SPMIP2: variants seen among roughly 807,000 people sequenced by gnomAD.
SPMIP2 encodes the protein protein SPMIP2.
the SPMIP2 span, among the ~76,000 whole-genome samples, chr4:158,914,690 A>G: frequency 1.3e-5 from 2 of 152,228 alleles, no homozygotes; most frequent in African/African-American, 4.8e-5. Flanking sequence ...AAATATTCAA[A>G]ACAGATACCA....
At chr4:158,989,385 A>G in the SPMIP2 span, among the ~76,000 whole-genome samples, 1 of 152,202 alleles carries the variant, frequency 6.6e-6, no homozygotes, top group Non-Finnish European at 1.5e-5. Flanking sequence ...AACTACTTTA[A>G]ATTTCATATG....
chr4:159,022,258 T>C, the SPMIP2 span, among the ~76,000 whole-genome samples: 4 of 152,226 alleles, frequency 2.6e-5, no homozygotes, highest in Non-Finnish European at 5.9e-5. Flanking sequence ...TTTGACGACT[T>C]ACATTCCTAA....
chr4:158,947,453 C>T, the SPMIP2 span, among the ~76,000 whole-genome samples: 3 of 152,114 alleles, frequency 2.0e-5, no homozygotes, highest in Admixed American at 2.0e-4. Context: ...AAACAAAAAG[C>T]CCTGTTTATT....
chr4:159,024,514 T>C, the SPMIP2 span, among the ~76,000 whole-genome samples: 1 of 152,036 alleles, frequency 6.6e-6, no homozygotes, highest in Non-Finnish European at 1.5e-5. Context: ...ACCTCTCCTC[T>C]TGCAAGAAAG....
At chr4:158,956,275 C>T in the SPMIP2 span, among the ~76,000 whole-genome samples, 1 of 152,210 alleles carries the variant, frequency 6.6e-6, no homozygotes, top group Non-Finnish European at 1.5e-5. Flanking sequence ...TTTAAAATGT[C>T]CAAGCCCTAG....
At chr4:158,902,864 C>G in the SPMIP2 span, among the ~76,000 whole-genome samples, 3 of 152,164 alleles carry the variant, frequency 2.0e-5, no homozygotes, top group African/African-American at 7.2e-5. Context: ...CCAGGTCGAC[C>G]TCAGACTGCT....
At chr4:158,894,378 C>T in the SPMIP2 span, among the ~76,000 whole-genome samples, 2 of 151,918 alleles carry the variant, frequency 1.3e-5, no homozygotes, top group Non-Finnish European at 2.9e-5. Context: ...CACTATGTTG[C>T]CTAGGTTGGT....
chr4:159,026,512 A>G, the SPMIP2 span: 3 of 625,276 alleles, frequency 4.8e-6, no homozygotes, highest in Admixed American at 2.0e-5. Flanking sequence ...TCAGATCTAT[A>G]AAAAAGTAGA....
the SPMIP2 span, among the ~76,000 whole-genome samples, chr4:159,065,481 G>A: frequency 6.6e-6 from 1 of 152,146 alleles, no homozygotes; most frequent in East Asian, 1.9e-4. Context: ...ACTTTGGGAG[G>A]CCAAGGCTGG....
At chr4:158,970,093 T>C in the SPMIP2 span, among the ~76,000 whole-genome samples, 6 of 152,320 alleles carry the variant, frequency 3.9e-5, no homozygotes, top group African/African-American at 1.4e-4. Flanking sequence ...CACTCTTGTA[T>C]AGTCTTTGTA....
At chr4:158,927,641 G>GC in the SPMIP2 span, among the ~76,000 whole-genome samples, 9 of 152,306 alleles carry the variant, frequency 5.9e-5, no homozygotes. Flanking sequence ...CACTGTGGGA[G>GC]CCCCTTTCTG....
At chr4:159,049,576 C>A in the SPMIP2 span, among the ~76,000 whole-genome samples, 1 of 152,178 alleles carries the variant, frequency 6.6e-6, no homozygotes, top group South Asian at 2.1e-4. Context: ...CTTGTCATTT[C>A]TTGGAAATAT....
chr4:159,037,051 A>G, the SPMIP2 span, among the ~76,000 whole-genome samples: 1 of 152,230 alleles, frequency 6.6e-6, no homozygotes, highest in Non-Finnish European at 1.5e-5. Flanking sequence ...TAAATGAAGA[A>G]AGTAATTCTT....
At chr4:159,058,278 C>T in the SPMIP2 span, among the ~76,000 whole-genome samples, 7 of 150,912 alleles carry the variant, frequency 4.6e-5, no homozygotes, top group Non-Finnish European at 1.0e-4. Context: ...CAGGCAGAAG[C>T]AACTAGGGTG....
the SPMIP2 span, among the ~76,000 whole-genome samples, chr4:159,058,186 C>CGT: frequency 4.2e-5 from 6 of 141,498 alleles, no homozygotes; most frequent in East Asian, 1.2e-3. Flanking sequence ...ATTTGCTGGG[C>CGT]TTTTTTTTTT....
At chr4:159,006,975 A>G in the SPMIP2 span, 3 of 381,616 alleles carry the variant, frequency 7.9e-6, no homozygotes, top group African/African-American at 4.2e-5. Context: ...AATGTTTAAC[A>G]TTGTTTTCCC....
the SPMIP2 span, among the ~76,000 whole-genome samples, chr4:158,985,320 G>A: frequency 7.1e-6 from 1 of 139,928 alleles, no homozygotes; most frequent in South Asian, 2.5e-4. Context: ...GCTGGGCAGA[G>A]ACACAACCAA....
chr4:159,056,751 A>G, the SPMIP2 span, among the ~76,000 whole-genome samples: 1 of 152,222 alleles, frequency 6.6e-6, no homozygotes. Context: ...TAGAATGAGC[A>G]GAGGTACAGA....
chr4:159,061,814 T>TAA, the SPMIP2 span, among the ~76,000 whole-genome samples: 83,618 of 138,648 alleles, frequency 0.6, 25,095 homozygotes, highest in East Asian at 0.79. Flanking sequence ...CAGTCTCAAT[T>TAA]AAAAAAAAAA....
Sources: allele counts gnomAD v4.1 joint callset (sites outside exome capture counted in the v4.1 genomes callset), GRCh38; gene constraint gnomAD v4.1.1; transcripts MANE v1.5; gene names NCBI Gene and HGNC (gene_info 2026-07-23, HGNC 2026-07-21).